KL: variants seen among roughly 807,000 people sequenced by gnomAD.
KL encodes the protein klotho.
KL carries 62 observed loss-of-function variants against 84.2 expected under a neutral mutation model. That is an observed-to-expected ratio of 0.74 (90% CI 0.60 to 0.91). The LOEUF (loss-of-function observed/expected upper bound fraction) is 0.91, where lower values mean the gene tolerates loss of function less well. KL is among the 40% of genes least tolerant of loss of function. KL has a pLI of 0.00. For missense variants in KL, 1,261 were observed against 1,305.7 expected (o/e 0.97, Z 0.53); for synonymous variants, 528 against 528.0 (o/e 1.00, Z 0.00).
chr13:33,037,205 A>G (rs1313874406), intron 1 of KL, among the ~76,000 whole-genome samples: 2 of 152,144 alleles, frequency 1.3e-5, no homozygotes, highest in Non-Finnish European at 2.9e-5. Context: ...GATTTTGCTC[A>G]TTTCTGTATT....
At chr13:33,053,654 C>T in intron 1 of KL, 113 bp from the exon 2 acceptor site, 1 of 1,009,456 alleles carries the variant, frequency 9.9e-7, no homozygotes, top group East Asian at 2.4e-5. Context: ...TATTGTTAGT[C>T]ATTAAGTTAG....
chr13:33,038,125 A>G (rs1233677238), intron 1 of KL, among the ~76,000 whole-genome samples: 3 of 152,232 alleles, frequency 2.0e-5, no homozygotes, highest in Non-Finnish European at 2.9e-5. Context: ...ATGACTGATC[A>G]TCACTGTCTC....
chr13:33,047,572 C>T (rs1012225773), intron 1 of KL, among the ~76,000 whole-genome samples: 3 of 152,178 alleles, frequency 2.0e-5, no homozygotes, highest in African/African-American at 7.2e-5. Context: ...TCGTGATCCA[C>T]CTGCCTTGGC....
rs17078467 is a variant in KL, at chr13:33,036,165, T to C, written c.820-17602T>C. On this transcript the variant is annotated intron_variant, in intron 1 of 4. Coordinates refer to ENST00000380099, the MANE Select transcript of KL (RefSeq NM_004795.4). The stretch of plus-strand genomic sequence containing the variant: ...TGGTTATATTTGTATTAAGGAACTC[T>C]ATATTTGCATTTGACCAGCCCTAAC... 2.7e-3 allele frequency among the ~76,000 whole-genome samples: 407 copies of C among 152,328 alleles called. 7 individuals carry two copies. Among genetic ancestry groups the C allele is most frequent in the African/African-American group, 9.5e-3 (393 of 41,566 alleles).
intron 1 of KL, among the ~76,000 whole-genome samples, chr13:33,031,244 GA>G (rs1369717664): frequency 6.6e-6 from 1 of 152,138 alleles, no homozygotes; most frequent in Non-Finnish European, 1.5e-5. Flanking sequence ...ATAGTATATA[GA>G]AAAAGTATGG....
chr13:33,039,987 A>C (rs1278597698), intron 1 of KL, among the ~76,000 whole-genome samples: 1 of 152,204 alleles, frequency 6.6e-6, no homozygotes, highest in Non-Finnish European at 1.5e-5. Flanking sequence ...AGGGGTGCCA[A>C]GCTGCTGCCT....
chr13:33,051,527 TC>T (rs138104339), intron 1 of KL, among the ~76,000 whole-genome samples: 1,862 of 152,174 alleles, frequency 0.012, 43 homozygotes, highest in East Asian at 0.1. Context: ...TGAGACCCAG[TC>T]TTAAAACAAA....
At chr13:33,036,882 TC>T (rs1871160842) in intron 1 of KL, among the ~76,000 whole-genome samples, 1 of 152,206 alleles carries the variant, frequency 6.6e-6, no homozygotes, top group South Asian at 2.1e-4. Context: ...GATCTTATTG[TC>T]TATTTCTCAA....
chr13:33,033,523 G>A (rs1304454066), intron 1 of KL, among the ~76,000 whole-genome samples: 1 of 150,576 alleles, frequency 6.6e-6, no homozygotes, highest in Non-Finnish European at 1.5e-5. Flanking sequence ...GTGCCTTGGG[G>A]CATTATTTTT....
Position 33,054,097 on chromosome 13 carries a change from A to G in KL, c.1150A>G (p.Met384Val), listed in dbSNP as rs748091395. Residue 384 changes from methionine to valine, a missense_variant, in exon 2 of 5, where the codon ATG becomes GTG. By Grantham distance (21) the Met-to-Val change is conservative. Transcript: ENST00000380099. ...TLSFQLLDPH[M>V]KFRQLESPNL... ...GAGTTTTCAACTTTTGGACCCTCAC[A>G]TGAAGTTCCGCCAATTGGAATCTCC... is the stretch of plus-strand genomic sequence containing the variant. 9.9e-6 allele frequency: 16 copies of G among 1,614,090 alleles called. No individual in the cohort carries two copies. Among genetic ancestry groups the G allele is most frequent in the South Asian group, 7.7e-5 (7 of 91,070 alleles).
chr13:33,027,255 C>T (rs1014569602), intron 1 of KL, among the ~76,000 whole-genome samples: 1 of 152,142 alleles, frequency 6.6e-6, no homozygotes, highest in African/African-American at 2.4e-5. Flanking sequence ...ATTTAATCCT[C>T]GTTAGTGCCG....
Position 33,016,749 on chromosome 13 carries a change from C to T in KL, c.309C>T (p.Asp103=). The part of the protein sequence containing the change: ...FTHHPLAPPG[D]SRNASLPLGA... ...ACCACCCCCTGGCACCCCCGGGAGA[C>T]TCCCGGAACGCCAGTCTGCCGTTGG... The change falls in exon 1 of 5, where the codon GAC becomes GAT. Residue 103 remains aspartate (D), a synonymous_variant. Coordinates refer to ENST00000380099, the MANE Select transcript of KL (RefSeq NM_004795.4). The T allele has an allele frequency of 6.2e-7, 1 of 1,611,824 alleles. No individual in the cohort carries two copies. The highest frequency in any genetic ancestry group is 8.5e-7 in the Non-Finnish European group (1 of 1,179,432).
intron 1 of KL, among the ~76,000 whole-genome samples, chr13:33,032,046 T>G (rs1870992150): frequency 6.6e-6 from 1 of 152,084 alleles, no homozygotes; most frequent in Admixed American, 6.5e-5. Context: ...CTATTCCCAG[T>G]GTACATTCCA....
chr13:33,023,866 A>G (rs1870660724), intron 1 of KL, among the ~76,000 whole-genome samples: 2 of 152,218 alleles, frequency 1.3e-5, no homozygotes, highest in South Asian at 2.1e-4. Flanking sequence ...GATAATTAGA[A>G]TGTTAGAATC....
At chr13:33,032,168 T>C (rs1593794055) in intron 1 of KL, among the ~76,000 whole-genome samples, 1 of 152,348 alleles carries the variant, frequency 6.6e-6, no homozygotes, top group South Asian at 2.1e-4. Flanking sequence ...ATGTTAGTCA[T>C]GACTTGCCAC....
In KL at chr13:33,061,769, A is replaced by G. The variant is rs752303558; in HGVS notation, c.2690A>G (p.Glu897Gly). The change falls in exon 4 of 5, where the codon GAA becomes GGA. Residue 897 changes from glutamate to glycine, a missense_variant. Coordinates refer to ENST00000380099, the MANE Select transcript of KL (RefSeq NM_004795.4). ...RVYYMQNYIN[E>G]ALKAHILDGI... ...TATTATATGCAGAATTACATAAACGAAGCTCTCAAAGGTAAGGAGCCCTAG... is the reference window on the plus strand; with the variant it reads ...TATTATATGCAGAATTACATAAACGGAGCTCTCAAAGGTAAGGAGCCCTAG... The G allele has an allele frequency of 8.7e-6, 14 of 1,613,436 alleles. No homozygotes were observed. In the African/African-American group the frequency reaches 1.7e-4, roughly 20 times the overall value.
At chr13:33,056,400 G>A (rs1871957928) in intron 3 of KL, among the ~76,000 whole-genome samples, 1 of 152,160 alleles carries the variant, frequency 6.6e-6, no homozygotes, top group Non-Finnish European at 1.5e-5. Context: ...TATTTATAAG[G>A]AAATAAATTA....
At chr13:33,045,197 C>T (rs896004382) in intron 1 of KL, among the ~76,000 whole-genome samples, 1 of 152,256 alleles carries the variant, frequency 6.6e-6, no homozygotes, top group South Asian at 2.1e-4. Flanking sequence ...GTGTGTTGAT[C>T]TTGTACCTTG....
At chr13:33,056,596 C>A (rs749884558) in intron 3 of KL, among the ~76,000 whole-genome samples, 1 of 150,606 alleles carries the variant, frequency 6.6e-6, no homozygotes, top group Non-Finnish European at 1.5e-5. Flanking sequence ...GAGATCAAGA[C>A]CATCCTGAAT....
Sources: gnomAD v4.1 joint callset for allele counts (sites outside exome capture counted in the v4.1 genomes callset) on GRCh38, gnomAD v4.1.1 for gene constraint, MANE v1.5 for transcripts, NCBI Gene and HGNC (gene_info 2026-07-23, HGNC 2026-07-21) for gene names.